Variants in PTPN13 observed in about 807,000 individuals in gnomAD.
PTPN13 encodes protein tyrosine phosphatase non-receptor type 13, also known as tyrosine-protein phosphatase non-receptor type 13.
PTPN13 carries 191 observed loss-of-function variants against 284.0 expected under a neutral mutation model. That is an observed-to-expected ratio of 0.67 (90% confidence interval 0.60 to 0.76). PTPN13 has a LOEUF of 0.76. Ranked by LOEUF, PTPN13 falls within the 30% of genes least tolerant of loss-of-function variation. PTPN13 has a pLI of 0.00. For missense variants in PTPN13, 2,797 were observed against 2,939.9 expected (o/e 0.95, Z 1.12); for synonymous variants, 986 against 1,022.3 (o/e 0.96, Z 0.68).
chr4:86,673,767 G>A (rs1372622663), intron 3 of PTPN13, among the ~76,000 whole-genome samples: 2 of 152,204 alleles, frequency 1.3e-5, no homozygotes, highest in African/African-American at 4.8e-5. Flanking sequence ...GAGTGCAGTA[G>A]CATAATCTCG....
intron 14 of PTPN13, 21 bp from the exon 15 acceptor site, chr4:86,735,573 T>C (rs1735398315): frequency 6.2e-7 from 1 of 1,600,630 alleles, no homozygotes. Flanking sequence ...CAATTGCTTA[T>C]GAAAACATTC....
rs1724519522 is a variant in PTPN13, at chr4:86,647,010, C to T, written c.115+11639C>T. ...TTCTAATCTAAAATTCTAAAGCATA[C>T]AAACTAAGCTGTAGTGAGTGACAAA... On this transcript the variant is annotated intron_variant, in intron 2 of 47. Transcript: ENST00000411767. 2.0e-5 allele frequency among the ~76,000 whole-genome samples: 3 copies of T among 152,246 alleles called. No homozygotes were observed. In the South Asian group the frequency reaches 6.2e-4, roughly 32 times the overall value.
chr4:86,811,777 A>T (rs929051289), intron 47 of PTPN13, among the ~76,000 whole-genome samples: 1 of 152,200 alleles, frequency 6.6e-6, no homozygotes, highest in African/African-American at 2.4e-5. Flanking sequence ...CCATAAATTA[A>T]CATTTCTCTA....
At chr4:86,645,337 C>T (rs1406975896) in intron 2 of PTPN13, among the ~76,000 whole-genome samples, 3 of 152,186 alleles carry the variant, frequency 2.0e-5, no homozygotes, top group Non-Finnish European at 4.4e-5. Flanking sequence ...AGGGTATCTG[C>T]TCTCATTACT....
intron 42 of PTPN13, among the ~76,000 whole-genome samples, chr4:86,803,257 C>A (rs907248631): frequency 7.3e-5 from 11 of 149,998 alleles, no homozygotes; most frequent in African/African-American, 2.7e-4. Flanking sequence ...AGAATATACA[C>A]ACACACATAT....
At chr4:86,654,551 G>A (rs1350445763) in intron 2 of PTPN13, among the ~76,000 whole-genome samples, 2 of 152,132 alleles carry the variant, frequency 1.3e-5, no homozygotes, top group African/African-American at 2.4e-5. Flanking sequence ...GTAGTTGAGC[G>A]GTTTTGAGTG....
At chr4:86,632,636 TTCTC>T (rs1222093894) in intron 1 of PTPN13, among the ~76,000 whole-genome samples, 1 of 151,698 alleles carries the variant, frequency 6.6e-6, no homozygotes, top group Non-Finnish European at 1.5e-5. Flanking sequence ...TCCTTCTTCT[TTCTC>T]TTTCTCCTCT....
intron 1 of PTPN13, among the ~76,000 whole-genome samples, chr4:86,624,739 A>G (rs1026903076): frequency 3.3e-5 from 5 of 152,142 alleles, no homozygotes; most frequent in African/African-American, 7.2e-5. Context: ...CTTAAGGCCA[A>G]GAGTTTGAGA....
At chr4:86,711,503 T>C (rs187577059) in intron 7 of PTPN13, among the ~76,000 whole-genome samples, 322 of 152,280 alleles carry the variant, frequency 2.1e-3, no homozygotes, top group Non-Finnish European at 3.6e-3. Flanking sequence ...CTAAGGCTGA[T>C]TTTACTCTCC....
intron 35 of PTPN13, among the ~76,000 whole-genome samples, chr4:86,778,935 A>T (rs1178409488): frequency 2.6e-5 from 4 of 151,868 alleles, no homozygotes; most frequent in African/African-American, 9.7e-5. Context: ...GAGTTGGAAA[A>T]AAAAAAGATA....
intron 4 of PTPN13, among the ~76,000 whole-genome samples, chr4:86,687,017 C>T (rs892188616): frequency 3.3e-5 from 5 of 152,184 alleles, no homozygotes; most frequent in African/African-American, 9.7e-5. Flanking sequence ...GTTTCAACAA[C>T]TCAGTCTGTG....
At chr4:86,668,025 G>A (rs139887239) in intron 2 of PTPN13, among the ~76,000 whole-genome samples, 1 of 152,230 alleles carries the variant, frequency 6.6e-6, no homozygotes, top group Non-Finnish European at 1.5e-5. Flanking sequence ...TTGGAAAGAA[G>A]CTCTAAGGTG....
chr4:86,689,793 G>A, intron 5 of PTPN13: 1 of 701,012 alleles, frequency 1.4e-6, no homozygotes, highest in East Asian at 2.7e-5. Flanking sequence ...TATATTACCT[G>A]AAAGTCCCAC....
intron 2 of PTPN13, among the ~76,000 whole-genome samples, chr4:86,642,579 A>C (rs959159403): frequency 2.7e-5 from 4 of 148,526 alleles, no homozygotes; most frequent in African/African-American, 1.0e-4. Context: ...CAGCCTCCTG[A>C]GTAGCTGGGA....
intron 40 of PTPN13, 39 bp from the exon 41 acceptor site, chr4:86,796,835 A>G: frequency 7.6e-7 from 1 of 1,324,350 alleles, no homozygotes; most frequent in Non-Finnish European, 1.0e-6. Context: ...TTTTTTTGTT[A>G]CAATGGGCTG....
intron 28 of PTPN13, 22 bp downstream of exon 28, chr4:86,767,998 A>G (rs768351633): frequency 2.3e-5 from 37 of 1,589,904 alleles, no homozygotes; most frequent in South Asian, 1.5e-4. Context: ...GGAGACTACA[A>G]TCTCACCTTT....
chr4:86,686,763 G>A lies in PTPN13; in HGVS notation c.348G>A (p.Val116=). The part of the protein sequence containing the change: ...MTLYWGADYE[V]PQSQPIKLGD... ...TGTATTGGGGGGCTGATTATGAAGT[G>A]CCTCAGAGCCAAGTAAGTTAAGTTT... The change falls in exon 4 of 48, where the codon GTG becomes GTA. Residue 116 remains valine, a synonymous_variant. Coordinates refer to ENST00000411767, the MANE Select transcript of PTPN13 (RefSeq NM_080683.3). 1.3e-6 allele frequency: 2 copies of A among 1,577,684 alleles called. No homozygotes were observed. Among genetic ancestry groups the A allele is most frequent in the South Asian group, 1.2e-5 (1 of 85,056 alleles).
rs1315489092 is a variant in PTPN13 at position 86,811,114 on chromosome 4, T to A, written c.7362+6T>A. On this transcript the variant is annotated splice_donor_region_variant and intron_variant, in intron 47 of 47. Coordinates refer to ENST00000411767, the MANE Select transcript of PTPN13 (RefSeq NM_080683.3). ...ACGGAATGGTTCAGACAGAGGTGAGTCATGGCTGGGCCTCCTAATGAGAAT... is the reference window on the plus strand; with the variant it reads ...ACGGAATGGTTCAGACAGAGGTGAGACATGGCTGGGCCTCCTAATGAGAAT... The A allele has an allele frequency of 1.2e-6, 2 of 1,609,898 alleles. No individual in the cohort carries two copies. Among genetic ancestry groups the A allele is most frequent in the South Asian group, 2.2e-5 (2 of 90,474 alleles).
intron 1 of PTPN13, among the ~76,000 whole-genome samples, chr4:86,627,655 G>A (rs1721991350): frequency 6.6e-6 from 1 of 151,916 alleles, no homozygotes; most frequent in African/African-American, 2.4e-5. Context: ...ACATATTTAT[G>A]ACCTCCAAAT....
Sources: allele counts gnomAD v4.1 joint callset (sites outside exome capture counted in the v4.1 genomes callset), GRCh38; gene constraint gnomAD v4.1.1; transcripts MANE v1.5; gene names NCBI Gene and HGNC (gene_info 2026-07-23, HGNC 2026-07-21).